RBFOX1: variants seen among roughly 807,000 people sequenced by gnomAD.
RBFOX1 encodes RNA binding fox-1 homolog 1.
In RBFOX1, 8 loss-of-function variants were observed where a neutral mutation model predicts 57.7. The observed-to-expected ratio is 0.14, with a 90% CI of 0.08 to 0.25. The LOEUF is 0.25. Ranked by LOEUF, RBFOX1 falls within the 10% of genes least tolerant of loss-of-function variation. The probability of loss-of-function intolerance (pLI) is 1.00; values close to 1 mark genes in which losing one functional copy is unlikely to be tolerated. For missense variants in RBFOX1, 611 were observed against 548.5 expected, an observed-to-expected ratio of 1.11 and a Z score of -1.14; for synonymous variants, 326 against 222.4, an observed-to-expected ratio of 1.47 and a Z score of -4.15.
intron 4 of RBFOX1, among the ~76,000 whole-genome samples, chr16:7,104,982 T>C (rs2063323797): frequency 6.6e-6 from 1 of 152,142 alleles, no homozygotes; most frequent in African/African-American, 2.4e-5. Flanking sequence ...TGTGTGTCTT[T>C]ATGTTTCTCA....
At chr16:6,352,118 TC>T (rs1021660473) in intron 2 of RBFOX1, among the ~76,000 whole-genome samples, 41 of 152,306 alleles carry the variant, frequency 2.7e-4, no homozygotes, top group African/African-American at 9.9e-4. Flanking sequence ...TAGAGGTTTC[TC>T]CAGTCACTTT....
intron 10 of RBFOX1, among the ~76,000 whole-genome samples, chr16:7,613,287 C>T (rs186099057): frequency 1.1e-3 from 164 of 152,252 alleles, no homozygotes; most frequent in African/African-American, 3.0e-3. Flanking sequence ...ACTAAAAATG[C>T]GCCATGCCTG....
intron 2 of RBFOX1, among the ~76,000 whole-genome samples, chr16:5,525,944 C>G (rs943836657): frequency 6.6e-6 from 1 of 150,884 alleles, no homozygotes; most frequent in African/African-American, 2.5e-5. Flanking sequence ...AGCTTCACAT[C>G]ATGTGAAGCT....
At chr16:6,805,872 C>A (rs151093401) in intron 3 of RBFOX1, among the ~76,000 whole-genome samples, 16 of 152,262 alleles carry the variant, frequency 1.1e-4, no homozygotes, top group Non-Finnish European at 1.8e-4. Context: ...TGGCTCTTTC[C>A]AACACGAATC....
At chr16:7,050,584 T>C (rs943113772) in intron 3 of RBFOX1, among the ~76,000 whole-genome samples, 3 of 152,148 alleles carry the variant, frequency 2.0e-5, no homozygotes, top group Non-Finnish European at 4.4e-5. Flanking sequence ...TTTTCTTTAA[T>C]GATCTGTTTC....
intron 3 of RBFOX1, among the ~76,000 whole-genome samples, chr16:7,019,013 G>C (rs953026156): frequency 4.0e-5 from 6 of 151,896 alleles, no homozygotes; most frequent in African/African-American, 1.4e-4. Flanking sequence ...AAAAGAAAGC[G>C]TTCTTGTTCA....
intron 1 of RBFOX1, among the ~76,000 whole-genome samples, chr16:5,377,176 T>TGG (rs2066007659): frequency 6.6e-6 from 1 of 151,502 alleles, no homozygotes; most frequent in Admixed American, 6.6e-5. Flanking sequence ...GGGATAAGCC[T>TGG]GGGGATGCAA....
rs187062684 is a variant in RBFOX1, at chr16:6,226,696, G to C, written c.-126-90299G>C. Among the ~76,000 whole-genome samples the C allele has an allele frequency of 1.4e-3, 211 of 152,218 alleles. 1 individual carries two copies. Among genetic ancestry groups the C allele is most frequent in the Middle Eastern group, 3.4e-3 (1 of 294 alleles). Reference sequence around the variant, plus strand: ...TAAGGGGTTTATATGAAGTTTAAATGTTGATGTTTTCCATTATCTTGCTGG... The same window carrying C: ...TAAGGGGTTTATATGAAGTTTAAATCTTGATGTTTTCCATTATCTTGCTGG... On this transcript the variant is annotated intron_variant, in intron 1 of 15. Transcript: ENST00000550418.
At chr16:7,638,880 G>A (rs1449021539) in intron 11 of RBFOX1, among the ~76,000 whole-genome samples, 1 of 152,086 alleles carries the variant, frequency 6.6e-6, no homozygotes, top group Non-Finnish European at 1.5e-5. Flanking sequence ...TAAAAGGACA[G>A]AACATGGTGG....
intron 1 of RBFOX1, among the ~76,000 whole-genome samples, chr16:6,157,355 A>G (rs1364073106): frequency 6.6e-6 from 1 of 152,108 alleles, no homozygotes; most frequent in Non-Finnish European, 1.5e-5. Context: ...ATGCCCAGCT[A>G]AATTTGAATT....
chr16:7,205,643 G>C (rs1166484036), intron 4 of RBFOX1, among the ~76,000 whole-genome samples: 2 of 152,226 alleles, frequency 1.3e-5, no homozygotes, highest in South Asian at 4.1e-4. Context: ...ATACATTTTA[G>C]AAACCAAAAT....
chr16:6,410,796 T>C (rs1268372210), intron 2 of RBFOX1, among the ~76,000 whole-genome samples: 1 of 152,166 alleles, frequency 6.6e-6, no homozygotes, highest in African/African-American at 2.4e-5. Flanking sequence ...TGTAGGCTGT[T>C]GGAGTGGAAA....
intron 3 of RBFOX1, among the ~76,000 whole-genome samples, chr16:6,968,484 C>G (rs546665589): frequency 4.6e-5 from 7 of 152,250 alleles, no homozygotes; most frequent in African/African-American, 1.7e-4. Flanking sequence ...GAGGCTTCTC[C>G]CTGCTTTGGC....
intron 3 of RBFOX1, among the ~76,000 whole-genome samples, chr16:5,699,305 A>G (rs1009316375): frequency 6.6e-6 from 1 of 151,672 alleles, no homozygotes; most frequent in Non-Finnish European, 1.5e-5. Context: ...AGTAAATTGA[A>G]GTATTTACAT....
chr16:5,378,284 CA>C (rs1379295051), intron 1 of RBFOX1, among the ~76,000 whole-genome samples: 1 of 151,584 alleles, frequency 6.6e-6, no homozygotes, highest in African/African-American at 2.4e-5. Flanking sequence ...CTCATCCAAA[CA>C]ACCCAAAGGA....
intron 4 of RBFOX1, among the ~76,000 whole-genome samples, chr16:7,096,810 T>A (rs1204625496): frequency 6.6e-6 from 1 of 151,228 alleles, no homozygotes; most frequent in African/African-American, 2.4e-5. Context: ...CTCTCCCCTG[T>A]AATCCCAGCT....
chr16:7,353,451 C>G (rs1253420448), intron 4 of RBFOX1, among the ~76,000 whole-genome samples: 1 of 152,104 alleles, frequency 6.6e-6, no homozygotes, highest in African/African-American at 2.4e-5. Flanking sequence ...AGCAATTCTG[C>G]TCCTAGGTAT....
intron 4 of RBFOX1, among the ~76,000 whole-genome samples, chr16:7,122,100 G>A (rs1478264786): frequency 6.6e-6 from 1 of 151,982 alleles, no homozygotes; most frequent in Non-Finnish European, 1.5e-5. Context: ...GTTAAAATAA[G>A]AATTTTTGGC....
intron 3 of RBFOX1, among the ~76,000 whole-genome samples, chr16:5,793,636 C>T (rs1202070252): frequency 6.6e-6 from 1 of 152,208 alleles, no homozygotes; most frequent in East Asian, 1.9e-4. Flanking sequence ...GCTCACAAAG[C>T]AGTGAGGAAC....
Sources: gnomAD v4.1 joint callset for allele counts (sites outside exome capture counted in the v4.1 genomes callset) on GRCh38, gnomAD v4.1.1 for gene constraint, MANE v1.5 for transcripts, NCBI Gene and HGNC (gene_info 2026-07-23, HGNC 2026-07-21) for gene names.